The following PPP2R2A variants were observed in gnomAD, a reference collection of about 807,000 sequenced individuals.
PPP2R2A encodes the protein protein phosphatase 2 regulatory subunit Balpha, also known as serine/threonine-protein phosphatase 2A 55 kDa regulatory subunit B alpha isoform.
A neutral mutation model predicts 53.2 loss-of-function variants in PPP2R2A; 9 were observed. The observed-to-expected ratio is 0.17, with a 90% CI of 0.10 to 0.30. The LOEUF (loss-of-function observed/expected upper bound fraction) is 0.30. PPP2R2A is among the 10% of genes least tolerant of loss of function. PPP2R2A has a pLI of 1.00. For missense variants in PPP2R2A, 235 were observed against 534.6 expected (o/e 0.44, Z 5.53); for synonymous variants, 169 against 174.2 (o/e 0.97, Z 0.23).
In PPP2R2A at chr8:26,370,314, C is replaced by T; in HGVS notation, c.1245C>T (p.Phe415=). The change falls in exon 10 of 10, where the codon TTC becomes TTT. Residue 415 remains phenylalanine (F), a synonymous_variant. Transcript: ENST00000380737. This position sits in a 1 kb window ranked among gnomAD's most constrained non-coding sequence, Gnocchi z 6.1. ...AAATAAGTGTTGACAGCCTAGACTTCAATAAGAAAATCCTTCACACAGCCT... is the reference window on the plus strand; with the variant it reads ...AAATAAGTGTTGACAGCCTAGACTTTAATAAGAAAATCCTTCACACAGCCT... ...KDEISVDSLD[F]NKKILHTAWH... 1 of 1,614,110 alleles carries T rather than the reference C, an allele frequency of 6.2e-7. No individual in the cohort carries two copies.
At chr8:26,347,448 T>C (rs528351515) in intron 3 of PPP2R2A, among the ~76,000 whole-genome samples, 1 of 151,844 alleles carries the variant, frequency 6.6e-6, no homozygotes, top group African/African-American at 2.4e-5. Context: ...CTTTCAGTAA[T>C]GTGTAAAATG....
chr8:26,332,744 G>T (rs1803451770), intron 2 of PPP2R2A, among the ~76,000 whole-genome samples: 1 of 152,116 alleles, frequency 6.6e-6, no homozygotes, highest in South Asian at 2.1e-4. Flanking sequence ...ACTGTAATGT[G>T]GTCATTAATA....
chr8:26,318,363 G>A (rs866439302), intron 2 of PPP2R2A, among the ~76,000 whole-genome samples: 2 of 152,118 alleles, frequency 1.3e-5, no homozygotes, highest in African/African-American at 2.4e-5. Flanking sequence ...TTCAAGGTAC[G>A]GTAATGGTGT....
At chr8:26,355,466 A>G (rs1391183660) in intron 4 of PPP2R2A, among the ~76,000 whole-genome samples, 2 of 152,100 alleles carry the variant, frequency 1.3e-5, no homozygotes, top group East Asian at 1.9e-4. Context: ...CTGGTCTTGA[A>G]TTCCTGGGCT....
chr8:26,316,253 CT>C (rs1171447556), intron 2 of PPP2R2A, among the ~76,000 whole-genome samples: 1 of 152,196 alleles, frequency 6.6e-6, no homozygotes, highest in African/African-American at 2.4e-5. Flanking sequence ...GGTGATCCAC[CT>C]GCCTCAGCCT....
chr8:26,367,874 A>G (rs1221909249), intron 9 of PPP2R2A, among the ~76,000 whole-genome samples: 1 of 152,258 alleles, frequency 6.6e-6, no homozygotes, highest in East Asian at 1.9e-4. Flanking sequence ...CTGGTTCAGT[A>G]TCCAGCATTT....
intron 3 of PPP2R2A, among the ~76,000 whole-genome samples, chr8:26,345,893 C>T (rs1020969701): frequency 2.6e-5 from 4 of 152,060 alleles, no homozygotes; most frequent in Non-Finnish European, 5.9e-5. Context: ...TTGTGAGAGA[C>T]GGCATCAGCT....
intron 2 of PPP2R2A, among the ~76,000 whole-genome samples, chr8:26,307,419 A>G (rs1355221268): frequency 2.0e-5 from 3 of 152,204 alleles, no homozygotes; most frequent in African/African-American, 7.2e-5. Context: ...TGTACTACAC[A>G]TTATAGAATA....
At chr8:26,298,190 T>C (rs1193334897) in intron 2 of PPP2R2A, among the ~76,000 whole-genome samples, 3 of 152,124 alleles carry the variant, frequency 2.0e-5, no homozygotes, top group East Asian at 3.9e-4. Context: ...TTTGTTTCAA[T>C]TTTTGGTTTT....
intron 9 of PPP2R2A, among the ~76,000 whole-genome samples, chr8:26,368,568 G>C (rs1805502588): frequency 6.6e-6 from 1 of 152,182 alleles, no homozygotes; most frequent in Non-Finnish European, 1.5e-5. Context: ...GTTCTAAGTG[G>C]TAAAAGTAAA....
At chr8:26,306,570 C>T (rs894812491) in intron 2 of PPP2R2A, among the ~76,000 whole-genome samples, 1 of 151,466 alleles carries the variant, frequency 6.6e-6, no homozygotes, top group African/African-American at 2.4e-5. Context: ...CATACACAGA[C>T]TACATTTACA....
chr8:26,339,090 AGT>A, intron 3 of PPP2R2A, 103 bp downstream of exon 3: 1 of 882,232 alleles, frequency 1.1e-6, no homozygotes, highest in Non-Finnish European at 1.8e-6. Context: ...TTTTAAAAGA[AGT>A]GTGTGTTTAT....
intron 2 of PPP2R2A, among the ~76,000 whole-genome samples, chr8:26,315,676 C>T (rs1391685101): frequency 1.3e-5 from 2 of 152,200 alleles, no homozygotes; most frequent in Non-Finnish European, 2.9e-5. Flanking sequence ...CCTGACTTGA[C>T]AACCCCTTTT....
At chr8:26,345,649 T>C (rs1429505209) in intron 3 of PPP2R2A, among the ~76,000 whole-genome samples, 1 of 152,204 alleles carries the variant, frequency 6.6e-6, no homozygotes, top group African/African-American at 2.4e-5. Flanking sequence ...GATTCCTAGA[T>C]TGTTTATTTC....
At chr8:26,304,392 G>A (rs566865743) in intron 2 of PPP2R2A, among the ~76,000 whole-genome samples, 12 of 151,970 alleles carry the variant, frequency 7.9e-5, no homozygotes, top group Non-Finnish European at 1.0e-4. Context: ...GGAAATTTAA[G>A]TTTTTCAGTA....
chr8:26,354,710 C>T lies in PPP2R2A; in HGVS notation c.346+77C>T. On this transcript the variant is annotated intron_variant, in intron 4 of 9. Transcript: ENST00000380737. This position sits in a 1 kb window ranked among gnomAD's most constrained non-coding sequence, Gnocchi z 4.6. ...ATATCCTGTAGCCTAGGAGAGGAAT[C>T]ATTTAACAGAGATACTTGTAAAAAG... The T allele has an allele frequency of 8.0e-7, 1 of 1,244,766 alleles. No individual in the cohort carries two copies. Among genetic ancestry groups the T allele is most frequent in the Non-Finnish European group, 1.0e-6 (1 of 952,382 alleles). 77.1% of individuals were successfully genotyped at this position (1,244,766 alleles called of 1,614,324 possible). A position where few individuals can be genotyped will look rare whatever the true frequency, so the allele number is the denominator to read the frequency against.
At chr8:26,323,689 C>T (rs1007502401) in intron 2 of PPP2R2A, among the ~76,000 whole-genome samples, 1 of 152,180 alleles carries the variant, frequency 6.6e-6, no homozygotes, top group Non-Finnish European at 1.5e-5. Context: ...GTCCTGAATG[C>T]AGGAGCTTCT....
rs374573372 is a variant in PPP2R2A, at chr8:26,293,643, A to G, written c.8-23A>G. Reference sequence around the variant, plus strand: ...TCAACATAAGCAGAACTCGGTTTTAATTGGTATGTTTTCTTTTTCCAGGAG... The same window carrying G: ...TCAACATAAGCAGAACTCGGTTTTAGTTGGTATGTTTTCTTTTTCCAGGAG... On this transcript the variant is annotated intron_variant, in intron 1 of 9. Transcript: ENST00000380737. 9 of 1,605,346 alleles carry G rather than the reference A, an allele frequency of 5.6e-6. No homozygotes were observed. The African/African-American group carries it at 6.7e-5, about 12-fold the overall frequency.
chr8:26,360,897 T>C lies in PPP2R2A; in HGVS notation c.460-77T>C, dbSNP rs1428396716. The C allele has an allele frequency of 7.2e-7, 1 of 1,380,996 alleles. No homozygotes were observed. The highest frequency in any genetic ancestry group is 9.9e-7 in the Non-Finnish European group (1 of 1,013,796). The allele number at this position is 1,380,996 out of a possible 1,614,324, so 85.5% of individuals were successfully genotyped here. Reference sequence around the variant, plus strand: ...TTTATGTTCTCAAAAACTGAAATAATGAAGTTTTCTGAATCTTAATTGCTA... The same window carrying C: ...TTTATGTTCTCAAAAACTGAAATAACGAAGTTTTCTGAATCTTAATTGCTA... On this transcript the variant is annotated intron_variant, in intron 5 of 9. Coordinates refer to ENST00000380737, the MANE Select transcript of PPP2R2A (RefSeq NM_002717.4). This position sits in a 1 kb window ranked among gnomAD's most constrained non-coding sequence, Gnocchi z 4.5.
Sources: gnomAD v4.1 joint callset for allele counts (sites outside exome capture counted in the v4.1 genomes callset) on GRCh38, gnomAD v4.1.1 for gene constraint, Gnocchi (gnomAD v3.1) non-coding constraint, MANE v1.5 for transcripts, NCBI Gene and HGNC (gene_info 2026-07-23, HGNC 2026-07-21) for gene names.